CACNG3: variants seen among roughly 807,000 people sequenced by gnomAD.
CACNG3 encodes calcium voltage-gated channel auxiliary subunit gamma 3.
In CACNG3, 3 loss-of-function variants were observed where a neutral mutation model predicts 28.5. The observed-to-expected ratio is 0.11, with a 90% CI of 0.05 to 0.27. CACNG3 has a LOEUF of 0.27. Ranked by LOEUF, CACNG3 falls within the 10% of genes least tolerant of loss-of-function variation. The pLI is 1.00. For missense variants in CACNG3, 236 were observed against 414.4 expected, an observed-to-expected ratio of 0.57 and a Z score of 3.74; for synonymous variants, 174 against 162.2, an observed-to-expected ratio of 1.07 and a Z score of -0.55.
chr16:24,283,961 A>G (rs1373688635), intron 1 of CACNG3, among the ~76,000 whole-genome samples: 1 of 152,198 alleles, frequency 6.6e-6, no homozygotes, highest in African/African-American at 2.4e-5. Context: ...ATGTCCACTT[A>G]ACTAAGAATT....
At chr16:24,358,727 G>T (rs1448873866) in intron 3 of CACNG3, among the ~76,000 whole-genome samples, 1 of 152,172 alleles carries the variant, frequency 6.6e-6, no homozygotes, top group Non-Finnish European at 1.5e-5. Context: ...AATCCACCAT[G>T]GCTAAGAGCT....
chr16:24,256,524 A>G lies in CACNG3; in HGVS notation c.-231A>G. The stretch of plus-strand genomic sequence containing the variant: ...CCCTCAGAAGGCAGCAGTGATGCGG[A>G]CCAACCCCCCGGAGCCTGCACCCTT... On this transcript the variant is annotated 5_prime_UTR_variant, in exon 1 of 4. Transcript: ENST00000005284. This position sits in a 1 kb window ranked among gnomAD's most constrained non-coding sequence, Gnocchi z 4.6. The G allele has an allele frequency of 1.8e-6, 1 of 545,006 alleles. No homozygotes were observed. The highest frequency in any genetic ancestry group is 3.3e-6 in the Non-Finnish European group (1 of 304,014). The allele number at this position is 545,006 out of a possible 1,614,324, so 33.8% of individuals were successfully genotyped here. A position where few individuals can be genotyped will look rare whatever the true frequency, so the allele number is the denominator to read the frequency against.
intron 1 of CACNG3, among the ~76,000 whole-genome samples, chr16:24,270,189 T>C (rs116422112): frequency 0.014 from 2,081 of 152,262 alleles, 52 homozygotes; most frequent in African/African-American, 0.045. Flanking sequence ...AAAAACCATG[T>C]TGAGGTTAAC....
intron 1 of CACNG3, among the ~76,000 whole-genome samples, chr16:24,316,982 G>A (rs1899360267): frequency 6.6e-6 from 1 of 152,114 alleles, no homozygotes. Flanking sequence ...CACATAGCAG[G>A]GAGAAAATCT....
intron 1 of CACNG3, among the ~76,000 whole-genome samples, chr16:24,328,820 G>T (rs1899594561): frequency 6.6e-6 from 1 of 152,098 alleles, no homozygotes; most frequent in Admixed American, 6.5e-5. Context: ...CGGGCATCGT[G>T]TGCCCATTTA....
At chr16:24,327,305 T>A (rs1899563734) in intron 1 of CACNG3, among the ~76,000 whole-genome samples, 1 of 150,676 alleles carries the variant, frequency 6.6e-6, no homozygotes, top group African/African-American at 2.4e-5. Flanking sequence ...ATGCCTGTAA[T>A]CCCAGCACTT....
At chr16:24,297,550 A>C (rs992096393) in intron 1 of CACNG3, among the ~76,000 whole-genome samples, 1 of 152,170 alleles carries the variant, frequency 6.6e-6, no homozygotes, top group African/African-American at 2.4e-5. Context: ...TCACTCACCA[A>C]GTGTTTGTTG....
At chr16:24,321,098 C>G (rs1899450058) in intron 1 of CACNG3, among the ~76,000 whole-genome samples, 2 of 152,124 alleles carry the variant, frequency 1.3e-5, no homozygotes, top group Non-Finnish European at 1.5e-5. Flanking sequence ...CCATCCCACC[C>G]AGGATGTGAA....
At chr16:24,272,922 T>A (rs557432420) in intron 1 of CACNG3, among the ~76,000 whole-genome samples, 20 of 152,186 alleles carry the variant, frequency 1.3e-4, no homozygotes, top group Non-Finnish European at 2.4e-4. Flanking sequence ...GGGGATGTGT[T>A]ATACAGATTA....
rs1567225403 is a variant in CACNG3 at position 24,351,693 on chromosome 16, A to AGAAG, written c.296-3137_296-3136insGGAA. Among the ~76,000 whole-genome samples, 15 of 139,588 alleles carry AGAAG rather than the reference A, an allele frequency of 1.1e-4. No homozygotes were observed. In the South Asian group the frequency reaches 2.5e-3, roughly 23 times the overall value. The allele number at this position is 139,588 out of a possible 152,430, so 91.6% of individuals were successfully genotyped here. On this transcript the variant is annotated intron_variant, in intron 2 of 3. Coordinates refer to ENST00000005284, the MANE Select transcript of CACNG3 (RefSeq NM_006539.4). ...AAGAAAGAAAGAAAGAAGGAAAGAA[A>AGAAG]GAAAGAGAAAGAAAGAAAGAAAGGA...
chr16:24,328,430 A>G (rs1363016635), intron 1 of CACNG3, among the ~76,000 whole-genome samples: 1 of 149,894 alleles, frequency 6.7e-6, no homozygotes. Flanking sequence ...GACTTTTGTC[A>G]CCATCCAACA....
chr16:24,272,044 C>G (rs1443682425), intron 1 of CACNG3, among the ~76,000 whole-genome samples: 1 of 151,720 alleles, frequency 6.6e-6, no homozygotes, highest in Non-Finnish European at 1.5e-5. Flanking sequence ...ATGGAAATAG[C>G]CTACCCCTAG....
chr16:24,261,171 T>C (rs996261777), intron 1 of CACNG3, among the ~76,000 whole-genome samples: 5 of 151,576 alleles, frequency 3.3e-5, no homozygotes, highest in Non-Finnish European at 2.9e-5. Context: ...ATGAGGCAGC[T>C]AATGTAAAGT....
intron 1 of CACNG3, among the ~76,000 whole-genome samples, chr16:24,330,021 AGT>A (rs2141373210): frequency 6.6e-6 from 1 of 152,152 alleles, no homozygotes; most frequent in South Asian, 2.1e-4. Flanking sequence ...TGGGCAACAG[AGT>A]GAGACTGTGT....
rs760067657 is a variant in CACNG3 at position 24,361,554 on chromosome 16, G to A, written c.639G>A (p.Ser213=). The A allele has an allele frequency of 3.1e-6, 5 of 1,613,724 alleles. No homozygotes were observed. The highest frequency in any genetic ancestry group is 1.1e-5 in the South Asian group (1 of 91,042). Residue 213 remains serine, a synonymous_variant, in exon 4 of 4, where the codon TCG becomes TCA. Coordinates refer to ENST00000005284, the MANE Select transcript of CACNG3 (RefSeq NM_006539.4). This position sits in a 1 kb window ranked among gnomAD's most constrained non-coding sequence, Gnocchi z 6.8. ...KHQQLRAKSH[S]EFLKKSTFAR... ...AGCAGTTACGAGCCAAATCCCACTCGGAGTTCCTGAAGAAATCTACTTTTG... is the reference window on the plus strand; with the variant it reads ...AGCAGTTACGAGCCAAATCCCACTCAGAGTTCCTGAAGAAATCTACTTTTG...
At chr16:24,343,526 T>C (rs955351401) in intron 1 of CACNG3, among the ~76,000 whole-genome samples, 3 of 152,106 alleles carry the variant, frequency 2.0e-5, no homozygotes, top group African/African-American at 7.2e-5. Flanking sequence ...GGACATGCCA[T>C]GGGGAAGCAT....
chr16:24,324,325 C>T (rs557863190), intron 1 of CACNG3, among the ~76,000 whole-genome samples: 1 of 152,258 alleles, frequency 6.6e-6, no homozygotes, highest in Non-Finnish European at 1.5e-5. Flanking sequence ...TGCAAGTGAA[C>T]TTCATTTCTT....
chr16:24,301,518 G>A (rs79463229), intron 1 of CACNG3, among the ~76,000 whole-genome samples: 1 of 152,112 alleles, frequency 6.6e-6, no homozygotes, highest in Non-Finnish European at 1.5e-5. Flanking sequence ...AGCTCACGAC[G>A]GTCACAGAGA....
chr16:24,306,517 T>C (rs1413876565), intron 1 of CACNG3, among the ~76,000 whole-genome samples: 1 of 152,162 alleles, frequency 6.6e-6, no homozygotes, highest in Non-Finnish European at 1.5e-5. Context: ...ACCCATCTGG[T>C]ATCTCCTTCG....
Sources: allele counts gnomAD v4.1 joint callset (sites outside exome capture counted in the v4.1 genomes callset), GRCh38; gene constraint gnomAD v4.1.1; non-coding constraint Gnocchi (gnomAD v3.1); transcripts MANE v1.5; gene names NCBI Gene and HGNC (gene_info 2026-07-23, HGNC 2026-07-21).